The following CNTN4 variants were observed in gnomAD, a reference collection of about 807,000 sequenced individuals.
CNTN4 encodes contactin 4.
A neutral mutation model predicts 122.5 loss-of-function variants in CNTN4; 77 were observed. That is an observed-to-expected ratio of 0.63 (90% CI 0.52 to 0.76). CNTN4 has a LOEUF of 0.76. Ranked by LOEUF, CNTN4 falls within the 30% of genes least tolerant of loss-of-function variation. The probability of loss-of-function intolerance (pLI) is 0.00; values close to 1 mark genes in which losing one functional copy is unlikely to be tolerated. For missense variants in CNTN4, 1,256 were observed against 1,259.1 expected, an observed-to-expected ratio of 1.00 and a Z score of 0.04; for synonymous variants, 512 against 447.0, an observed-to-expected ratio of 1.15 and a Z score of -1.83.
rs544800343 is a variant in CNTN4, at chr3:2,101,926, T to C, written c.-145+1287T>C. On this transcript the variant is annotated intron_variant, in intron 2 of 24. Coordinates refer to ENST00000418658, the MANE Select transcript of CNTN4 (RefSeq NM_175607.3). ...AAAATCTTTCTCTCCTTATCTCTGC[T>C]CTGCTGTTCATCATCTCTGATACTC... Among the ~76,000 whole-genome samples, 3 of 152,346 alleles carry C rather than the reference T, an allele frequency of 2.0e-5. No homozygotes were observed. In the East Asian group the frequency reaches 5.8e-4, roughly 29 times the overall value.
At chr3:2,878,553 C>CTCTGTGTGTGTGTGTG (rs930160038) in intron 8 of CNTN4, among the ~76,000 whole-genome samples, 385 of 146,950 alleles carry the variant, frequency 2.6e-3, no homozygotes, top group Non-Finnish European at 4.7e-3. Flanking sequence ...GAGATGCTCT[C>CTCTGTGTGTGTGTGTG]TGTGTGTGTG....
intron 3 of CNTN4, among the ~76,000 whole-genome samples, chr3:2,475,488 T>C (rs555730602): frequency 1.3e-5 from 2 of 152,288 alleles, no homozygotes; most frequent in South Asian, 2.1e-4. Flanking sequence ...ATAGAAGCAA[T>C]AGACTGATTT....
intron 6 of CNTN4, among the ~76,000 whole-genome samples, chr3:2,796,578 G>C (rs1444713715): frequency 6.6e-6 from 1 of 152,076 alleles, no homozygotes; most frequent in South Asian, 2.1e-4. Context: ...TTTTCTCACT[G>C]CTACATTAAT....
At chr3:2,697,221 C>T (rs2086089478) in intron 4 of CNTN4, among the ~76,000 whole-genome samples, 1 of 152,172 alleles carries the variant, frequency 6.6e-6, no homozygotes, top group South Asian at 2.1e-4. Context: ...GGAAAGAGAG[C>T]CTGTAGTATT....
In CNTN4 at chr3:2,468,935, A is replaced by G. The variant is rs61685409; in HGVS notation, c.-88-102481A>G. On this transcript the variant is annotated intron_variant, in intron 3 of 24. Coordinates refer to ENST00000418658, the MANE Select transcript of CNTN4 (RefSeq NM_175607.3). The stretch of plus-strand genomic sequence containing the variant: ...CCATGTAAGACTTTCCTTGTAGCTC[A>G]TTGGTCATTCCTAGCTTTAAGGTGT... Among the ~76,000 whole-genome samples, 497 of 152,300 alleles carry G rather than the reference A, an allele frequency of 3.3e-3. 4 individuals are homozygous for G. Among genetic ancestry groups the G allele is most frequent in the African/African-American group, 0.011 (442 of 41,566 alleles).
intron 12 of CNTN4, among the ~76,000 whole-genome samples, chr3:2,924,142 A>G (rs2094452346): frequency 6.6e-6 from 1 of 152,128 alleles, no homozygotes; most frequent in South Asian, 2.1e-4. Flanking sequence ...GCATGGCCCT[A>G]TTAAAAAGTG....
At chr3:2,894,711 AAAAG>A (rs2094086928) in intron 10 of CNTN4, among the ~76,000 whole-genome samples, 1 of 151,128 alleles carries the variant, frequency 6.6e-6, no homozygotes, top group South Asian at 2.1e-4. Context: ...TTAAAAAAAT[AAAAG>A]AAAGAAATAT....
intron 3 of CNTN4, among the ~76,000 whole-genome samples, chr3:2,430,436 A>C (rs931879408): frequency 4.6e-5 from 7 of 151,416 alleles, no homozygotes; most frequent in Non-Finnish European, 1.0e-4. Flanking sequence ...AAAAAAAAAA[A>C]AAAAAGGAAA....
At chr3:2,560,208 A>G (rs2078893340) in intron 3 of CNTN4, among the ~76,000 whole-genome samples, 1 of 150,816 alleles carries the variant, frequency 6.6e-6, no homozygotes, top group Non-Finnish European at 1.5e-5. Context: ...TGGTGCAATC[A>G]TGGCTCACTG....
intron 7 of CNTN4, among the ~76,000 whole-genome samples, chr3:2,830,502 C>T (rs902770889): frequency 6.6e-6 from 1 of 152,096 alleles, no homozygotes; most frequent in Admixed American, 6.6e-5. Flanking sequence ...GTTGTCCTGT[C>T]CCAGAAAGCA....
intron 7 of CNTN4, among the ~76,000 whole-genome samples, chr3:2,839,824 T>A (rs2093314544): frequency 6.6e-6 from 1 of 152,192 alleles, no homozygotes; most frequent in Admixed American, 6.5e-5. Flanking sequence ...GCACAGTGTA[T>A]GCCCGCAGAG....
rs180845285 is a variant in CNTN4, at chr3:2,627,654, T to C, written c.55+56096T>C. On this transcript the variant is annotated intron_variant, in intron 4 of 24. Transcript: ENST00000418658. The stretch of plus-strand genomic sequence containing the variant: ...GAATACAGGTGCCCGCCACCACGCC[T>C]GGCTAATTTTTTGTATTTTTAGTAG... Among the ~76,000 whole-genome samples, 646 of 151,958 alleles carry C rather than the reference T, an allele frequency of 4.3e-3. 5 individuals carry two copies. In the East Asian group the frequency reaches 0.046, roughly 11 times the overall value.
chr3:2,684,255 G>C (rs755514362), intron 4 of CNTN4, among the ~76,000 whole-genome samples: 1 of 152,132 alleles, frequency 6.6e-6, no homozygotes, highest in Non-Finnish European at 1.5e-5. Flanking sequence ...AGAGTAAGAT[G>C]AATGAATCCC....
chr3:2,375,638 T>C (rs114176474), intron 3 of CNTN4, among the ~76,000 whole-genome samples: 120 of 152,336 alleles, frequency 7.9e-4, no homozygotes, highest in African/African-American at 2.2e-3. Flanking sequence ...GCAACTCATC[T>C]TCCCAGGGGC....
At chr3:2,893,566 T>G (rs539396298) in intron 10 of CNTN4, among the ~76,000 whole-genome samples, 1 of 152,302 alleles carries the variant, frequency 6.6e-6, no homozygotes, top group South Asian at 2.1e-4. Context: ...TGCTACAGTT[T>G]TTAAGGGGTA....
At chr3:3,010,983 C>T (rs141524197) in intron 14 of CNTN4, among the ~76,000 whole-genome samples, 15 of 152,262 alleles carry the variant, frequency 9.9e-5, no homozygotes, top group Admixed American at 3.3e-4. Flanking sequence ...GTTTGCTACC[C>T]CATCCTCTCA....
intron 7 of CNTN4, among the ~76,000 whole-genome samples, chr3:2,852,051 G>T (rs17021403): frequency 6.6e-6 from 1 of 152,082 alleles, no homozygotes. Flanking sequence ...ACCCTACCTC[G>T]TGGCTGCACT....
In CNTN4 at chr3:2,425,873, C is replaced by G. The variant is rs75414839; in HGVS notation, c.-89+86640C>G. 1.1e-3 allele frequency among the ~76,000 whole-genome samples: 160 copies of G among 152,158 alleles called. 1 individual carries two copies. Among genetic ancestry groups the G allele is most frequent in the African/African-American group, 3.6e-3 (150 of 41,474 alleles). On this transcript the variant is annotated intron_variant, in intron 3 of 24. Coordinates refer to ENST00000418658, the MANE Select transcript of CNTN4 (RefSeq NM_175607.3). ...TCATGATTTGGCTCTCTGTTTGTCT[C>G]TTATTGGTGTATAAGAATGCTAGTG...
intron 16 of CNTN4, among the ~76,000 whole-genome samples, chr3:3,032,115 A>T (rs749501982): frequency 1.6e-4 from 24 of 152,198 alleles, no homozygotes; most frequent in Non-Finnish European, 3.2e-4. Flanking sequence ...CTTTAAAAAA[A>T]CTTTCAGCAA....
Sources: allele counts gnomAD v4.1 joint callset (sites outside exome capture counted in the v4.1 genomes callset), GRCh38; gene constraint gnomAD v4.1.1; transcripts MANE v1.5; gene names NCBI Gene and HGNC (gene_info 2026-07-23, HGNC 2026-07-21).